Variants in ITPR2 observed in about 807,000 individuals in gnomAD.
ITPR2 encodes the protein inositol 1,4,5-trisphosphate receptor type 2.
Under a neutral mutation model 317.1 loss-of-function variants are expected in ITPR2, and 207 were observed. That is an observed-to-expected ratio of 0.65 (90% CI 0.58 to 0.73). The LOEUF (loss-of-function observed/expected upper bound fraction) is 0.73. Among genes scored for constraint, ITPR2 ranks in the 30% least tolerant of loss-of-function variants. ITPR2 has a pLI of 0.00. For missense variants in ITPR2, 2,613 were observed against 3,284.0 expected, an observed-to-expected ratio of 0.80 and a Z score of 4.99; for synonymous variants, 1,156 against 1,149.1, an observed-to-expected ratio of 1.01 and a Z score of -0.12.
At chr12:26,368,490 A>G (rs1198576753) in intron 55 of ITPR2, among the ~76,000 whole-genome samples, 1 of 152,116 alleles carries the variant, frequency 6.6e-6, no homozygotes, top group Non-Finnish European at 1.5e-5. Context: ...ATATTACTAC[A>G]TTTTCTTTTT....
chr12:26,515,745 A>G (rs1401323777), intron 37 of ITPR2, among the ~76,000 whole-genome samples: 1 of 152,022 alleles, frequency 6.6e-6, no homozygotes, highest in East Asian at 1.9e-4. Context: ...GAGCCCACCA[A>G]GAAACACCAA....
At chr12:26,502,771 C>G (rs1037941188) in intron 37 of ITPR2, among the ~76,000 whole-genome samples, 3 of 152,152 alleles carry the variant, frequency 2.0e-5, no homozygotes, top group Non-Finnish European at 4.4e-5. Context: ...AATGAGAAGA[C>G]TGACACTGAT....
intron 26 of ITPR2, among the ~76,000 whole-genome samples, chr12:26,611,988 A>C (rs1007386385): frequency 2.6e-5 from 4 of 152,246 alleles, no homozygotes; most frequent in Admixed American, 2.6e-4. Context: ...AAAGGGAAAC[A>C]CTATAATATA....
At chr12:26,348,155 C>T (rs1938365264) in intron 55 of ITPR2, among the ~76,000 whole-genome samples, 1 of 152,312 alleles carries the variant, frequency 6.6e-6, no homozygotes, top group South Asian at 2.1e-4. Context: ...CTATTGCATT[C>T]CTCTCTTTGC....
chr12:26,469,369 G>A (rs1001055372), intron 45 of ITPR2, among the ~76,000 whole-genome samples: 1 of 152,078 alleles, frequency 6.6e-6, no homozygotes, highest in Admixed American at 6.6e-5. Flanking sequence ...GCCTTCTTTT[G>A]TTCCTTTAAA....
chr12:26,361,956 A>G (rs1454279097), intron 55 of ITPR2, among the ~76,000 whole-genome samples: 1 of 152,236 alleles, frequency 6.6e-6, no homozygotes, highest in African/African-American at 2.4e-5. Flanking sequence ...CTACCCACCA[A>G]ATCCCACTTT....
At chr12:26,820,570 G>C (rs1187544158) in intron 1 of ITPR2, among the ~76,000 whole-genome samples, 1 of 152,014 alleles carries the variant, frequency 6.6e-6, no homozygotes, top group Admixed American at 6.6e-5. Flanking sequence ...GAAAGACCAA[G>C]GTGAAATGCT....
At chr12:26,740,432 A>G (rs1387487241) in intron 2 of ITPR2, among the ~76,000 whole-genome samples, 1 of 152,196 alleles carries the variant, frequency 6.6e-6, no homozygotes, top group Non-Finnish European at 1.5e-5. Context: ...TGGAAGATAA[A>G]GGGAAATACG....
intron 35 of ITPR2, among the ~76,000 whole-genome samples, chr12:26,557,056 G>T (rs1944683090): frequency 6.6e-6 from 1 of 151,868 alleles, no homozygotes; most frequent in Non-Finnish European, 1.5e-5. Flanking sequence ...TCCAGCCTGG[G>T]TGACAGAGCC....
Position 26,655,693 on chromosome 12 carries a change from A to T in ITPR2, c.2589+15T>A. On this transcript the variant is annotated intron_variant, in intron 20 of 56. Coordinates refer to ENST00000381340, the MANE Select transcript of ITPR2 (RefSeq NM_002223.4). ...CAGTTACCAAAACATCCTAAATATTAGAGGGACAAAGTACCTCAAATGTCA... is the reference window on the plus strand; with the variant it reads ...CAGTTACCAAAACATCCTAAATATTTGAGGGACAAAGTACCTCAAATGTCA... 6.2e-7 allele frequency: 1 copy of T among 1,606,428 alleles called. No individual in the cohort carries two copies. Among genetic ancestry groups the T allele is most frequent in the South Asian group, 1.1e-5 (1 of 90,738 alleles).
intron 55 of ITPR2, among the ~76,000 whole-genome samples, chr12:26,346,892 T>G (rs758657626): frequency 5.3e-5 from 8 of 152,124 alleles, no homozygotes; most frequent in Non-Finnish European, 1.0e-4. Context: ...CGTCATTCTG[T>G]GAGCTATGAT....
intron 36 of ITPR2, among the ~76,000 whole-genome samples, chr12:26,555,045 G>A (rs182621489): frequency 3.3e-5 from 5 of 152,156 alleles, no homozygotes. Context: ...CAGGTGTCTG[G>A]ACAAATACAC....
chr12:26,738,747 T>A (rs1949174572), intron 2 of ITPR2, among the ~76,000 whole-genome samples: 1 of 152,140 alleles, frequency 6.6e-6, no homozygotes, highest in Non-Finnish European at 1.5e-5. Flanking sequence ...ATTTCCTTTA[T>A]CAATTCCCCA....
intron 2 of ITPR2, among the ~76,000 whole-genome samples, chr12:26,764,830 G>A (rs1050576714): frequency 6.6e-6 from 1 of 151,906 alleles, no homozygotes; most frequent in African/African-American, 2.4e-5. Context: ...ATGTATACTG[G>A]AAAAGCCCAC....
chr12:26,741,189 C>T (rs1949223609), intron 2 of ITPR2, among the ~76,000 whole-genome samples: 1 of 152,238 alleles, frequency 6.6e-6, no homozygotes, highest in South Asian at 2.1e-4. Context: ...GAGCACATCC[C>T]ACTCTGATGC....
At chr12:26,766,282 T>A (rs993733486) in intron 2 of ITPR2, among the ~76,000 whole-genome samples, 12 of 152,048 alleles carry the variant, frequency 7.9e-5, no homozygotes, top group Non-Finnish European at 2.9e-5. Context: ...TCCTGGATAA[T>A]ACTTTTTATT....
intron 8 of ITPR2, among the ~76,000 whole-genome samples, chr12:26,711,704 A>G (rs1158623571): frequency 6.6e-6 from 1 of 152,232 alleles, no homozygotes; most frequent in Non-Finnish European, 1.5e-5. Context: ...GAACAAAGAA[A>G]TAAGTAAGAT....
rs971594654 is a variant in ITPR2, at chr12:26,336,953, T to C, written c.*2444A>G. On this transcript the variant is annotated 3_prime_UTR_variant, in exon 57 of 57. Coordinates refer to ENST00000381340, the MANE Select transcript of ITPR2 (RefSeq NM_002223.4). ...AATTTGATGTTCTGAAAAGTGCCTT[T>C]TTTGTCTGCTTCGATTTTTTGTTGC... 8.0e-5 allele frequency: 12 copies of C among 149,760 alleles called. No homozygotes were observed. The South Asian group carries it at 2.5e-3, about 32-fold the overall frequency. 9.3% of individuals were successfully genotyped at this position (149,760 alleles called of 1,614,324 possible).
rs1235808380 is a variant in ITPR2 at position 26,481,229 on chromosome 12, T to TA, written c.6024dup (p.Thr2009TyrfsTer3). The TA allele has an allele frequency of 6.2e-7, 1 of 1,603,212 alleles. No homozygotes were observed. Among genetic ancestry groups the TA allele is most frequent in the Non-Finnish European group, 8.5e-7 (1 of 1,170,372 alleles). On this transcript the variant is annotated frameshift_variant, in exon 43 of 57. Transcript: ENST00000381340. LOFTEE classifies it high-confidence loss of function. ...ATATCAATCCCATTAGACTCATGTG[T>TA]AGCGATACAGGTCTAGAAAACAAAA...
Sources: allele counts gnomAD v4.1 joint callset (sites outside exome capture counted in the v4.1 genomes callset), GRCh38; gene constraint gnomAD v4.1.1; transcripts MANE v1.5; gene names NCBI Gene and HGNC (gene_info 2026-07-23, HGNC 2026-07-21).